The following CALN1 variants were observed in gnomAD, a reference collection of about 807,000 sequenced individuals.
The protein encoded by CALN1 is calneuron 1, also known as calcium-binding protein 8.
CALN1 carries 17 observed loss-of-function variants against 30.6 expected under a neutral mutation model. That is an observed-to-expected ratio of 0.56 (90% CI 0.38 to 0.83). The LOEUF is 0.83. CALN1 is among the 40% of genes least tolerant of loss of function. The pLI is 0.00. For missense variants in CALN1, 291 were observed against 354.9 expected (o/e 0.82, Z 1.45); for synonymous variants, 156 against 131.4 (o/e 1.19, Z -1.28).
chr7:71,928,886 A>C (rs894100771), intron 5 of CALN1, among the ~76,000 whole-genome samples: 3 of 152,012 alleles, frequency 2.0e-5, no homozygotes, highest in Non-Finnish European at 4.4e-5. Context: ...AATACAAAAA[A>C]AAAAGAAATA....
At chr7:72,210,532 G>C (rs1193205738) in intron 3 of CALN1, among the ~76,000 whole-genome samples, 1 of 151,974 alleles carries the variant, frequency 6.6e-6, no homozygotes, top group Non-Finnish European at 1.5e-5. Context: ...TGGCTGGGGA[G>C]GCCTCAGGAA....
chr7:72,494,685 C>G, the CALN1 span, among the ~76,000 whole-genome samples: 1 of 148,980 alleles, frequency 6.7e-6, no homozygotes, highest in African/African-American at 2.5e-5. Flanking sequence ...ATAGCGAGAC[C>G]CCATCTCTAC....
chr7:72,373,856 T>C (rs984812888), intron 2 of CALN1, among the ~76,000 whole-genome samples: 9 of 152,146 alleles, frequency 5.9e-5, no homozygotes, highest in East Asian at 1.9e-4. Context: ...GAAAAACATC[T>C]TGAAAGTAAA....
intron 1 of CALN1, among the ~76,000 whole-genome samples, chr7:72,418,523 G>A (rs1206374694): frequency 6.6e-6 from 1 of 152,158 alleles, no homozygotes; most frequent in Non-Finnish European, 1.5e-5. Context: ...ACCCTCCAGG[G>A]CTCTGGAAGA....
intron 1 of CALN1, among the ~76,000 whole-genome samples, chr7:72,420,896 G>A (rs1223880674): frequency 1.3e-5 from 2 of 152,084 alleles, no homozygotes; most frequent in African/African-American, 2.4e-5. Context: ...TTACAGGCAT[G>A]AGCCACCACG....
At chr7:72,413,136 C>T (rs760520531), upstream of CALN1, among the ~76,000 whole-genome samples, 16 of 152,102 alleles carry the variant, frequency 1.1e-4, no homozygotes, top group African/African-American at 1.9e-4. Context: ...CACTCTTACA[C>T]GTATGCTCAC....
Position 72,054,359 on chromosome 7 carries a change from G to A in CALN1, c.389-30590C>T, listed in dbSNP as rs2129536472. 2.0e-5 allele frequency among the ~76,000 whole-genome samples: 3 copies of A among 150,098 alleles called. 1 individual carries two copies. The South Asian group carries it at 6.3e-4, about 32-fold the overall frequency. ...GATTTACATTTTTCTAATGGTCAGTGATACTGAGCTTTTTCTGTATGCTTG... is the reference window on the plus strand; with the variant it reads ...GATTTACATTTTTCTAATGGTCAGTAATACTGAGCTTTTTCTGTATGCTTG... On this transcript the variant is annotated intron_variant, in intron 4 of 6. Coordinates refer to ENST00000395275, the MANE Select transcript of CALN1 (RefSeq NM_031468.4).
chr7:72,243,306 T>C (rs1469658789), intron 3 of CALN1, among the ~76,000 whole-genome samples: 1 of 152,220 alleles, frequency 6.6e-6, no homozygotes, highest in Admixed American at 6.5e-5. Flanking sequence ...GTCTTTAATC[T>C]AGACTTCCTA....
At chr7:72,194,179 A>G (rs1215962509) in intron 3 of CALN1, among the ~76,000 whole-genome samples, 7 of 152,248 alleles carry the variant, frequency 4.6e-5, no homozygotes, top group Admixed American at 4.6e-4. Context: ...CTAAAATGTC[A>G]TTCCGCAGTG....
chr7:72,302,917 A>AAAC (rs1799387792), intron 2 of CALN1, among the ~76,000 whole-genome samples: 3 of 140,978 alleles, frequency 2.1e-5, no homozygotes, highest in Non-Finnish European at 4.6e-5. Flanking sequence ...AAAAAAAAAA[A>AAAC]CGAAAAGAAT....
At chr7:72,431,224 C>T (rs983061353) in intron 1 of CALN1, among the ~76,000 whole-genome samples, 47 of 152,182 alleles carry the variant, frequency 3.1e-4, no homozygotes, top group African/African-American at 1.1e-3. Flanking sequence ...GCCACTGAGC[C>T]GGGCACCAAT....
intron 5 of CALN1, among the ~76,000 whole-genome samples, chr7:71,867,497 C>A (rs959528844): frequency 6.6e-6 from 1 of 151,898 alleles, no homozygotes; most frequent in African/African-American, 2.4e-5. Context: ...TGCAGCGGTG[C>A]AATCTCGGCT....
the CALN1 span, among the ~76,000 whole-genome samples, chr7:72,497,482 A>C: frequency 1.3e-5 from 2 of 152,212 alleles, no homozygotes; most frequent in Admixed American, 6.5e-5. Flanking sequence ...TAGAGTTAAA[A>C]TCTCACCAAC....
chr7:72,191,329 T>C (rs989045534), intron 3 of CALN1, among the ~76,000 whole-genome samples: 11 of 152,026 alleles, frequency 7.2e-5, no homozygotes, highest in Non-Finnish European at 2.9e-5. Context: ...AGGCCAGCCA[T>C]GGTGGCTCAC....
chr7:72,096,048 G>GATAA (rs1806199622), intron 4 of CALN1, among the ~76,000 whole-genome samples: 1 of 146,056 alleles, frequency 6.8e-6, no homozygotes, highest in Non-Finnish European at 1.5e-5. Flanking sequence ...CTAAAAGATA[G>GATAA]ATAGATAGAT....
At chr7:72,146,252 C>G (rs1388989029) in intron 3 of CALN1, among the ~76,000 whole-genome samples, 3 of 152,182 alleles carry the variant, frequency 2.0e-5, no homozygotes, top group African/African-American at 7.2e-5. Context: ...TCTCCTTAAG[C>G]TGATAAGCAA....
chr7:72,467,198 C>G, the CALN1 span, among the ~76,000 whole-genome samples: 2 of 152,176 alleles, frequency 1.3e-5, no homozygotes, highest in Non-Finnish European at 2.9e-5. Flanking sequence ...CTCTCAGGCC[C>G]TCTCATTTAC....
chr7:72,216,504 T>C (rs28591449), intron 3 of CALN1, among the ~76,000 whole-genome samples: 107,951 of 151,754 alleles, frequency 0.71, 39,104 homozygotes, highest in East Asian at 1. Flanking sequence ...CATAATTCTG[T>C]GTATCATAGG....
chr7:72,121,226 A>T (rs860001), intron 3 of CALN1, among the ~76,000 whole-genome samples: 66,777 of 141,838 alleles, frequency 0.47, 17,319 homozygotes, highest in East Asian at 0.96. Context: ...GTATTATATA[A>T]CTATATAATT....
Sources: allele counts gnomAD v4.1 joint callset (sites outside exome capture counted in the v4.1 genomes callset), GRCh38; gene constraint gnomAD v4.1.1; transcripts MANE v1.5; gene names NCBI Gene and HGNC (gene_info 2026-07-23, HGNC 2026-07-21).